XYLT1: variants seen among roughly 807,000 people sequenced by gnomAD.
XYLT1 encodes beta-D-xylosyltransferase 1.
A neutral mutation model predicts 91.3 loss-of-function variants in XYLT1; 36 were observed. The ratio of observed to expected loss-of-function variants is 0.39; its 90% CI spans 0.30 to 0.52. The LOEUF is 0.52. Ranked by LOEUF, XYLT1 falls within the 20% of genes least tolerant of loss-of-function variation. XYLT1 has a pLI of 0.68. For synonymous variants in XYLT1, 588 were observed against 532.0 expected (o/e 1.11, Z -1.45); for missense variants, 1,242 against 1,284.5 (o/e 0.97, Z 0.51).
chr16:17,162,439 T>A (rs1391291615), intron 5 of XYLT1, among the ~76,000 whole-genome samples: 5 of 149,210 alleles, frequency 3.4e-5, no homozygotes, highest in Non-Finnish European at 1.5e-5. Flanking sequence ...TTCACTTCAC[T>A]CTCATTTTAC....
At chr16:17,118,264 C>CTGAATGAG (rs1325683275) in intron 10 of XYLT1, among the ~76,000 whole-genome samples, 1 of 86,424 alleles carries the variant, frequency 1.2e-5, no homozygotes, top group Non-Finnish European at 2.7e-5. Flanking sequence ...CACACATGAG[C>CTGAATGAG]TGAATGAGTG....
chr16:17,420,916 G>A (rs2036243101), intron 1 of XYLT1, among the ~76,000 whole-genome samples: 1 of 152,134 alleles, frequency 6.6e-6, no homozygotes, highest in Non-Finnish European at 1.5e-5. Context: ...CTAATGCTTG[G>A]ATGGGAGATG....
At chr16:17,251,481 C>T (rs2033537546) in intron 3 of XYLT1, 1 of 152,188 alleles carries the variant, frequency 6.6e-6, no homozygotes, top group Admixed American at 6.5e-5. Context: ...ACTGCAGACC[C>T]ACAGGTCACT....
intron 1 of XYLT1, among the ~76,000 whole-genome samples, chr16:17,437,633 T>C (rs956205994): frequency 2.6e-5 from 4 of 152,078 alleles, no homozygotes; most frequent in Non-Finnish European, 5.9e-5. Context: ...CAGCCTACTG[T>C]TCGTGGAGCG....
intron 2 of XYLT1, among the ~76,000 whole-genome samples, chr16:17,326,031 A>G (rs978654059): frequency 1.3e-5 from 2 of 152,230 alleles, no homozygotes; most frequent in South Asian, 4.1e-4. Context: ...TACAAAAAAA[A>G]GTGCATGTAC....
chr16:17,126,953 C>T (rs2030284960), intron 10 of XYLT1, among the ~76,000 whole-genome samples: 1 of 152,126 alleles, frequency 6.6e-6, no homozygotes, highest in Non-Finnish European at 1.5e-5. Context: ...CCAGATAAAG[C>T]AACAAGATAA....
intron 2 of XYLT1, among the ~76,000 whole-genome samples, chr16:17,337,842 G>A (rs756578460): frequency 2.5e-4 from 35 of 140,760 alleles, no homozygotes; most frequent in Non-Finnish European, 4.4e-4. Flanking sequence ...GCGCAGTGAC[G>A]CCATCTCGGC....
intron 5 of XYLT1, among the ~76,000 whole-genome samples, chr16:17,178,827 T>G (rs2032003143): frequency 6.6e-6 from 1 of 152,166 alleles, no homozygotes; most frequent in African/African-American, 2.4e-5. Context: ...CCCAGAACTT[T>G]GTGAGCTCGA....
At chr16:17,380,287 CTAAAT>C (rs2035662776) in intron 1 of XYLT1, among the ~76,000 whole-genome samples, 1 of 151,978 alleles carries the variant, frequency 6.6e-6, no homozygotes, top group Non-Finnish European at 1.5e-5. Context: ...GAATCTGTCT[CTAAAT>C]AAATAAATAA....
intron 1 of XYLT1, among the ~76,000 whole-genome samples, chr16:17,374,278 T>C (rs566413375): frequency 1.3e-5 from 2 of 152,246 alleles, no homozygotes; most frequent in East Asian, 1.9e-4. Context: ...GTGGTAGGAT[T>C]TGGTGTAGGG....
At chr16:17,113,732 T>C (rs1966846850) in intron 11 of XYLT1, among the ~76,000 whole-genome samples, 1 of 152,216 alleles carries the variant, frequency 6.6e-6, no homozygotes, top group African/African-American at 2.4e-5. Flanking sequence ...GGTCAGACCC[T>C]TTTTGTCCAA....
chr16:17,213,370 G>C (rs2032797759), intron 3 of XYLT1, among the ~76,000 whole-genome samples: 2 of 152,082 alleles, frequency 1.3e-5, no homozygotes, highest in South Asian at 4.2e-4. Flanking sequence ...TATCCACTCA[G>C]GTATTTCTTT....
At chr16:17,326,897 T>G (rs1372347307) in intron 2 of XYLT1, among the ~76,000 whole-genome samples, 2 of 151,768 alleles carry the variant, frequency 1.3e-5, no homozygotes, top group African/African-American at 4.8e-5. Context: ...CAAAATTAAT[T>G]AAGAATCTTA....
At chr16:17,441,080 T>A (rs1250807475) in intron 1 of XYLT1, among the ~76,000 whole-genome samples, 2 of 151,990 alleles carry the variant, frequency 1.3e-5, no homozygotes, top group Admixed American at 1.3e-4. Context: ...TCATTAATTT[T>A]TTTGAGATGT....
intron 1 of XYLT1, among the ~76,000 whole-genome samples, chr16:17,412,791 A>C (rs1418165416): frequency 6.6e-6 from 1 of 152,134 alleles, no homozygotes; most frequent in Non-Finnish European, 1.5e-5. Flanking sequence ...GGAATACTTC[A>C]ATAAGGGTGT....
chr16:17,280,609 C>G lies in XYLT1; in HGVS notation c.403-21111G>C, dbSNP rs188678584. ...AAGAAATTAGACTTTGCAGAGACAACTGGGAAGTTCCTCCCAGCTTTCAAC... is the reference window on the plus strand; with the variant it reads ...AAGAAATTAGACTTTGCAGAGACAAGTGGGAAGTTCCTCCCAGCTTTCAAC... On this transcript the variant is annotated intron_variant, in intron 2 of 11. Transcript: ENST00000261381. 7.2e-4 allele frequency among the ~76,000 whole-genome samples: 109 copies of G among 152,334 alleles called. No individual in the cohort carries two copies. In the East Asian group the frequency reaches 9.8e-3, roughly 14 times the overall value.
chr16:17,195,291 GA>G (rs1160914662), intron 5 of XYLT1, among the ~76,000 whole-genome samples: 1 of 152,102 alleles, frequency 6.6e-6, no homozygotes, highest in African/African-American at 2.4e-5. Context: ...TCCCAGTATA[GA>G]AGGATCTCTT....
intron 2 of XYLT1, among the ~76,000 whole-genome samples, chr16:17,297,889 T>C (rs559137132): frequency 2.0e-5 from 3 of 151,866 alleles, no homozygotes; most frequent in South Asian, 2.1e-4. Context: ...GGCGTGGTGG[T>C]GTGTGCCTGT....
At chr16:17,182,485 C>T (rs576648093) in intron 5 of XYLT1, among the ~76,000 whole-genome samples, 2 of 152,170 alleles carry the variant, frequency 1.3e-5, no homozygotes, top group Admixed American at 6.5e-5. Flanking sequence ...CCTTATAGGC[C>T]CTATCTCCAA....
Sources: gnomAD v4.1 joint callset for allele counts (sites outside exome capture counted in the v4.1 genomes callset) on GRCh38, gnomAD v4.1.1 for gene constraint, MANE v1.5 for transcripts, NCBI Gene and HGNC (gene_info 2026-07-23, HGNC 2026-07-21) for gene names.